The following RARB variants were observed in gnomAD, a reference collection of about 807,000 sequenced individuals.
The protein encoded by RARB is retinoic acid receptor beta.
RARB carries 17 observed loss-of-function variants against 51.9 expected under a neutral mutation model. The ratio of observed to expected loss-of-function variants is 0.33; its 90% CI spans 0.22 to 0.49. RARB has a LOEUF of 0.49. RARB is among the 20% of genes least tolerant of loss of function. The pLI is 0.99. For synonymous variants in RARB, 215 were observed against 195.4 expected, an observed-to-expected ratio of 1.10 and a Z score of -0.84; for missense variants, 369 against 550.8, an observed-to-expected ratio of 0.67 and a Z score of 3.30.
intron 5 of RARB, among the ~76,000 whole-genome samples, chr3:25,404,154 T>C (rs1294339912): frequency 6.6e-6 from 1 of 152,210 alleles, no homozygotes; most frequent in Non-Finnish European, 1.5e-5. Context: ...AACGTGTCAG[T>C]AGATTCTCAG....
chr3:24,909,604 C>T (rs1044630069), intron 2 of RARB, among the ~76,000 whole-genome samples: 10 of 147,470 alleles, frequency 6.8e-5, no homozygotes, highest in African/African-American at 2.5e-4. Flanking sequence ...CTCCAAGATT[C>T]AGCTTTGACT....
intron 1 of RARB, among the ~76,000 whole-genome samples, chr3:25,435,208 T>G (rs1708381830): frequency 6.6e-6 from 1 of 152,218 alleles, no homozygotes; most frequent in African/African-American, 2.4e-5. Context: ...GCTATGTTGT[T>G]GTTGATAAAT....
chr3:25,087,214 G>C (rs1374564808), intron 3 of RARB, among the ~76,000 whole-genome samples: 2 of 152,136 alleles, frequency 1.3e-5, no homozygotes. Context: ...ATTGAGGCCT[G>C]TCTGACCACC....
rs565416840 is a variant in RARB at position 25,577,688 on chromosome 3, T to C, written c.610-2858T>C. Among the ~76,000 whole-genome samples the C allele has an allele frequency of 2.6e-5, 4 of 152,370 alleles. No individual in the cohort carries two copies. The South Asian group carries it at 6.2e-4, about 24-fold the overall frequency. ...ATGCTGGTGATTCCACTTTCCTTTATGGGTCTTGTTCTGAAAGTCCTGCCA... is the reference window on the plus strand; with the variant it reads ...ATGCTGGTGATTCCACTTTCCTTTACGGGTCTTGTTCTGAAAGTCCTGCCA... On this transcript the variant is annotated intron_variant, in intron 4 of 7. Coordinates refer to ENST00000330688, the MANE Select transcript of RARB (RefSeq NM_000965.5).
At chr3:25,268,459 C>G (rs549282925) in intron 5 of RARB, among the ~76,000 whole-genome samples, 17 of 151,736 alleles carry the variant, frequency 1.1e-4, no homozygotes, top group Non-Finnish European at 1.0e-4. Context: ...ATTATTTTCT[C>G]CAACTCAGAT....
chr3:25,396,429 G>A (rs757718892), intron 5 of RARB, among the ~76,000 whole-genome samples: 2 of 152,222 alleles, frequency 1.3e-5, no homozygotes, highest in Non-Finnish European at 2.9e-5. Context: ...CTTTCTTCAA[G>A]TGGGGTTGTT....
At chr3:25,346,952 G>A (rs2125454733) in intron 5 of RARB, among the ~76,000 whole-genome samples, 1 of 152,354 alleles carries the variant, frequency 6.6e-6, no homozygotes, top group Non-Finnish European at 1.5e-5. Context: ...GATTGTTCAT[G>A]AGTAGTCTTC....
chr3:25,062,966 T>C (rs921403933), intron 3 of RARB, among the ~76,000 whole-genome samples: 1 of 151,964 alleles, frequency 6.6e-6, no homozygotes, highest in African/African-American at 2.4e-5. Flanking sequence ...TGTTCAAAAC[T>C]AGGAACGACA....
chr3:25,204,318 C>A (rs1701473496), intron 5 of RARB, among the ~76,000 whole-genome samples: 1 of 152,164 alleles, frequency 6.6e-6, no homozygotes, highest in African/African-American at 2.4e-5. Context: ...TTCTAGTTAG[C>A]CATTCGTCTA....
In RARB at chr3:25,573,140, G is replaced by A. The variant is rs148843357; in HGVS notation, c.609+3222G>A. 6.6e-5 allele frequency among the ~76,000 whole-genome samples: 10 copies of A among 152,164 alleles called. No homozygotes were observed. The East Asian group carries it at 1.6e-3, about 24-fold the overall frequency. On this transcript the variant is annotated intron_variant, in intron 4 of 7. Transcript: ENST00000330688. Reference sequence around the variant, plus strand: ...CGTCCCAGAGTTTCCCAACTAGATCGAGCTCTGACTGCCCACAGTGATGAT... The same window carrying A: ...CGTCCCAGAGTTTCCCAACTAGATCAAGCTCTGACTGCCCACAGTGATGAT...
intron 5 of RARB, among the ~76,000 whole-genome samples, chr3:25,346,969 G>T (rs1045698082): frequency 8.5e-5 from 13 of 152,160 alleles, no homozygotes; most frequent in African/African-American, 3.1e-4. Context: ...CTTCCATGTA[G>T]GTATACAAAC....
chr3:25,363,328 C>T (rs1706010858), intron 5 of RARB, among the ~76,000 whole-genome samples: 1 of 152,114 alleles, frequency 6.6e-6, no homozygotes, highest in Non-Finnish European at 1.5e-5. Flanking sequence ...TCCAGGTAAA[C>T]ATTATCTGGA....
chr3:25,352,897 G>A (rs1465050918), intron 5 of RARB, among the ~76,000 whole-genome samples: 1 of 152,118 alleles, frequency 6.6e-6, no homozygotes, highest in East Asian at 1.9e-4. Context: ...ACTGTCCTTG[G>A]ACATTCACTT....
chr3:25,510,071 T>C (rs1190411533), intron 3 of RARB, among the ~76,000 whole-genome samples: 1 of 152,132 alleles, frequency 6.6e-6, no homozygotes, highest in African/African-American at 2.4e-5. Flanking sequence ...GCTTTACTAA[T>C]GGCAACAGCC....
At chr3:24,960,958 CGGGGCCTGTGAGA>C (rs1442091578) in intron 2 of RARB, among the ~76,000 whole-genome samples, 2 of 152,024 alleles carry the variant, frequency 1.3e-5, no homozygotes, top group South Asian at 2.1e-4. Context: ...TAACTAGTGG[CGGGGCCTGTGAGA>C]GGGGCCTGTG....
intron 2 of RARB, among the ~76,000 whole-genome samples, chr3:24,915,083 A>G (rs1695076765): frequency 6.6e-6 from 1 of 152,212 alleles, no homozygotes; most frequent in Non-Finnish European, 1.5e-5. Flanking sequence ...TAGTGGGGAG[A>G]GGACCACTCT....
At chr3:24,933,896 T>C (rs1300649767) in intron 2 of RARB, among the ~76,000 whole-genome samples, 2 of 152,134 alleles carry the variant, frequency 1.3e-5, no homozygotes, top group Non-Finnish European at 2.9e-5. Context: ...TACATACAAA[T>C]AGAGATGCAT....
At chr3:25,151,761 C>A (rs141617215) in intron 4 of RARB, among the ~76,000 whole-genome samples, 1 of 152,182 alleles carries the variant, frequency 6.6e-6, no homozygotes, top group African/African-American at 2.4e-5. Flanking sequence ...TCCCTGAACA[C>A]GTCTCAAAGG....
intron 2 of RARB, among the ~76,000 whole-genome samples, chr3:25,012,667 G>A (rs1317177729): frequency 6.6e-6 from 1 of 152,098 alleles, no homozygotes; most frequent in Non-Finnish European, 1.5e-5. Context: ...TGTTTGAGGT[G>A]ATTTACATTT....
Sources: allele counts gnomAD v4.1 joint callset (sites outside exome capture counted in the v4.1 genomes callset), GRCh38; gene constraint gnomAD v4.1.1; transcripts MANE v1.5; gene names NCBI Gene and HGNC (gene_info 2026-07-23, HGNC 2026-07-21).